MEGF10: variants seen among roughly 807,000 people sequenced by gnomAD.
MEGF10 encodes multiple EGF like domains 10.
MEGF10 carries 86 observed loss-of-function variants against 147.5 expected under a neutral mutation model. The ratio of observed to expected loss-of-function variants is 0.58; its 90% CI spans 0.49 to 0.70. The LOEUF (loss-of-function observed/expected upper bound fraction) is 0.70, where lower values mean the gene tolerates loss of function less well. Ranked by LOEUF, MEGF10 falls within the 30% of genes least tolerant of loss-of-function variation. The pLI is 0.00. For synonymous variants in MEGF10, 478 were observed against 525.5 expected (o/e 0.91, Z 1.24); for missense variants, 1,329 against 1,487.3 (o/e 0.89, Z 1.75).
At chr5:127,398,056 G>A (rs112956505) in intron 6 of MEGF10, among the ~76,000 whole-genome samples, 13,791 of 150,092 alleles carry the variant, frequency 0.092, 810 homozygotes, top group Non-Finnish European at 0.13. Context: ...CACACACTGG[G>A]GTCTGTCTGG....
chr5:127,450,085 A>G (rs910454705), intron 22 of MEGF10, among the ~76,000 whole-genome samples: 4 of 152,234 alleles, frequency 2.6e-5, no homozygotes, highest in African/African-American at 9.6e-5. Context: ...TTAATAGAAG[A>G]TAGCTGGATT....
intron 22 of MEGF10, among the ~76,000 whole-genome samples, chr5:127,453,731 A>G (rs1402811196): frequency 6.6e-6 from 1 of 152,230 alleles, no homozygotes; most frequent in African/African-American, 2.4e-5. Flanking sequence ...TGCAGTATTA[A>G]CAATGCAATT....
At chr5:127,400,329 T>G (rs573390245) in intron 7 of MEGF10, among the ~76,000 whole-genome samples, 1 of 152,176 alleles carries the variant, frequency 6.6e-6, no homozygotes, top group South Asian at 2.1e-4. Flanking sequence ...GTTTAAGGAG[T>G]ACTGAGCAGG....
At chr5:127,356,890 A>G (rs1330566350) in intron 4 of MEGF10, among the ~76,000 whole-genome samples, 1 of 152,160 alleles carries the variant, frequency 6.6e-6, no homozygotes, top group East Asian at 1.9e-4. Flanking sequence ...CAGTAAAGGC[A>G]TGTCTCAAAC....
intron 4 of MEGF10, 115 bp from the exon 5 acceptor site, chr5:127,369,795 C>A: frequency 1.4e-6 from 1 of 701,686 alleles, no homozygotes; most frequent in Non-Finnish European, 2.4e-6. Flanking sequence ...AGAAAATTAT[C>A]AAGCATGCAT....
the MEGF10 span, among the ~76,000 whole-genome samples, chr5:127,263,948 TA>T: frequency 8.5e-5 from 13 of 152,064 alleles, no homozygotes; most frequent in Admixed American, 4.6e-4. Context: ...TTAAAAGAAA[TA>T]GACTGTGGGA....
At chr5:127,452,685 T>C (rs1766200133) in intron 22 of MEGF10, among the ~76,000 whole-genome samples, 1 of 152,104 alleles carries the variant, frequency 6.6e-6, no homozygotes, top group Non-Finnish European at 1.5e-5. Context: ...CCCCCCACCA[T>C]AAATCACTTG....
intron 20 of MEGF10, 26 bp downstream of exon 20, chr5:127,445,719 T>C: frequency 6.4e-7 from 1 of 1,570,512 alleles, no homozygotes; most frequent in Non-Finnish European, 8.8e-7. Context: ...GGAGAGGCAT[T>C]TTGCTTCTTG....
Position 127,420,068 on chromosome 5 carries a change from T to A in MEGF10, c.1451T>A (p.Ile484Asn), listed in dbSNP as rs777847978. 6.2e-7 allele frequency: 1 copy of A among 1,614,140 alleles called. No individual in the cohort carries two copies. The highest frequency in any genetic ancestry group is 1.7e-5 in the Admixed American group (1 of 60,012). Residue 484 changes from isoleucine to asparagine, a missense_variant, in exon 12 of 25, where the codon ATC becomes AAC. This residue lies in a region of MEGF10 where 980 missense variants were observed against 1,085.9 expected (regional missense o/e 0.90). Transcript: ENST00000503335. The stretch of plus-strand genomic sequence containing the variant: ...GGCTGGCACGGGGTGGACTGCTCCA[T>A]CAGATGTCCCAGTGGCACATGGGGC... ...KAGWHGVDCS[I>N]RCPSGTWGFG...
intron 22 of MEGF10, 145 bp downstream of exon 22, chr5:127,449,367 G>A: frequency 4.7e-6 from 5 of 1,070,754 alleles, no homozygotes; most frequent in Non-Finnish European, 6.7e-6. Flanking sequence ...CACCTGTACA[G>A]GGCTATCTAC....
intron 2 of MEGF10, among the ~76,000 whole-genome samples, chr5:127,332,779 A>G (rs1031973168): frequency 6.6e-6 from 1 of 152,194 alleles, no homozygotes; most frequent in Non-Finnish European, 1.5e-5. Context: ...AATAAAATAT[A>G]TAATAAATAC....
chr5:127,296,245 A>G (rs1273642482), intron 1 of MEGF10, among the ~76,000 whole-genome samples: 1 of 152,218 alleles, frequency 6.6e-6, no homozygotes, highest in Non-Finnish European at 1.5e-5. Context: ...GTTATTTGAT[A>G]ATGCAAACTC....
At chr5:127,306,854 G>C (rs554828837) in intron 1 of MEGF10, among the ~76,000 whole-genome samples, 17 of 152,312 alleles carry the variant, frequency 1.1e-4, no homozygotes, top group African/African-American at 2.2e-4. Flanking sequence ...TGGGTTGTGG[G>C]GGGTGGTGGA....
the MEGF10 span, among the ~76,000 whole-genome samples, chr5:127,272,795 C>G: frequency 6.6e-6 from 1 of 152,190 alleles, no homozygotes; most frequent in Non-Finnish European, 1.5e-5. Flanking sequence ...TGAGACTTTG[C>G]TGAAGTTGCT....
intron 5 of MEGF10, among the ~76,000 whole-genome samples, chr5:127,390,659 TA>T (rs1763615035): frequency 6.6e-6 from 1 of 152,184 alleles, no homozygotes; most frequent in Admixed American, 6.5e-5. Context: ...TCATCTTCTA[TA>T]AAAATCATTT....
At chr5:127,291,613 C>A (rs1759261511) in intron 1 of MEGF10, among the ~76,000 whole-genome samples, 1 of 152,140 alleles carries the variant, frequency 6.6e-6, no homozygotes, top group Admixed American at 6.5e-5. Flanking sequence ...AGTCTTAGAC[C>A]AAAGGGGCCT....
chr5:127,408,236 T>C (rs1241592119), intron 8 of MEGF10, among the ~76,000 whole-genome samples: 1 of 152,260 alleles, frequency 6.6e-6, no homozygotes, highest in African/African-American at 2.4e-5. Context: ...AAAGCTGTGC[T>C]TTTTACCAAG....
At chr5:127,367,700 A>G (rs1025673693) in intron 4 of MEGF10, among the ~76,000 whole-genome samples, 1 of 152,202 alleles carries the variant, frequency 6.6e-6, no homozygotes, top group African/African-American at 2.4e-5. Context: ...AACTTCTGGA[A>G]ATATTCAAAC....
intron 18 of MEGF10, 138 bp downstream of exon 18, chr5:127,441,005 C>A: frequency 1.8e-6 from 2 of 1,111,774 alleles, no homozygotes; most frequent in Non-Finnish European, 2.5e-6. Flanking sequence ...CTCAGCATGA[C>A]TGACTTCCCC....
Sources: allele counts gnomAD v4.1 joint callset (sites outside exome capture counted in the v4.1 genomes callset), GRCh38; gene constraint gnomAD v4.1.1; regional missense constraint gnomAD v4.1.1; transcripts MANE v1.5; gene names NCBI Gene and HGNC (gene_info 2026-07-23, HGNC 2026-07-21).